KDM4C: variants seen among roughly 807,000 people sequenced by gnomAD.
KDM4C encodes the protein lysine demethylase 4C, also known as lysine-specific demethylase 4C.
Under a neutral mutation model 129.3 loss-of-function variants are expected in KDM4C, and 81 were observed. The ratio of observed to expected loss-of-function variants is 0.63; its 90% CI spans 0.52 to 0.75. KDM4C has a LOEUF of 0.75. KDM4C is among the 30% of genes least tolerant of loss of function. The pLI, the probability that KDM4C is intolerant of heterozygous loss-of-function variation, is 0.00. For synonymous variants in KDM4C, 573 were observed against 456.1 expected (o/e 1.26, Z -3.26); for missense variants, 1,457 against 1,304.0 (o/e 1.12, Z -1.81).
intron 18 of KDM4C, among the ~76,000 whole-genome samples, chr9:7,111,958 T>G (rs554865401): frequency 3.3e-5 from 5 of 151,974 alleles, no homozygotes; most frequent in African/African-American, 1.2e-4. Flanking sequence ...AGGAGAAGAT[T>G]GTTTTGGGGA....
intron 4 of KDM4C, among the ~76,000 whole-genome samples, chr9:6,843,545 C>T (rs1217460163): frequency 5.3e-5 from 8 of 152,146 alleles, no homozygotes; most frequent in Non-Finnish European, 1.2e-4. Context: ...GTGGTCCTTT[C>T]AAGGTAGCCA....
At chr9:7,040,825 G>T (rs1828466757) in intron 15 of KDM4C, among the ~76,000 whole-genome samples, 1 of 150,082 alleles carries the variant, frequency 6.7e-6, no homozygotes, top group African/African-American at 2.5e-5. Context: ...CTTTTTATTT[G>T]GTTTCCAGAA....
intron 8 of KDM4C, among the ~76,000 whole-genome samples, chr9:6,903,476 A>C (rs531643519): frequency 6.6e-6 from 1 of 152,194 alleles, no homozygotes; most frequent in South Asian, 2.1e-4. Context: ...AAGCATCCTG[A>C]AGAGAAGGTG....
chr9:7,046,800 G>T, intron 15 of KDM4C, 62 bp from the exon 16 acceptor site: 1 of 1,061,770 alleles, frequency 9.4e-7, no homozygotes. Flanking sequence ...ATATTTAGAT[G>T]AATGGTAATG....
At chr9:6,934,709 A>G (rs35490381) in intron 8 of KDM4C, among the ~76,000 whole-genome samples, 38,683 of 151,204 alleles carry the variant, frequency 0.26, 5,380 homozygotes, top group South Asian at 0.39. Context: ...TGATCCGCCC[A>G]CCTCGGCCTC....
At chr9:6,976,558 T>C (rs1167418725) in intron 8 of KDM4C, among the ~76,000 whole-genome samples, 2 of 152,198 alleles carry the variant, frequency 1.3e-5, no homozygotes, top group Admixed American at 1.3e-4. Context: ...TTATACCTTA[T>C]ATATTGGGGG....
intron 5 of KDM4C, among the ~76,000 whole-genome samples, chr9:6,859,459 G>C (rs1840519235): frequency 7.6e-6 from 1 of 131,842 alleles, no homozygotes. Context: ...TGGCGACAGA[G>C]CGGGACTCTG....
intron 3 of KDM4C, among the ~76,000 whole-genome samples, chr9:6,806,249 C>T (rs1183986582): frequency 6.6e-6 from 1 of 152,140 alleles, no homozygotes; most frequent in Non-Finnish European, 1.5e-5. Context: ...AATCCCAGTA[C>T]TTTGGGAGGC....
chr9:6,763,841 TC>T (rs1820078081), intron 1 of KDM4C, among the ~76,000 whole-genome samples: 1 of 152,174 alleles, frequency 6.6e-6, no homozygotes, highest in African/African-American at 2.4e-5. Flanking sequence ...CACCACAACC[TC>T]CGCCTCCCAG....
intron 5 of KDM4C, among the ~76,000 whole-genome samples, chr9:6,879,115 T>C (rs887889118): frequency 6.6e-6 from 1 of 152,214 alleles, no homozygotes; most frequent in Non-Finnish European, 1.5e-5. Flanking sequence ...TAAGTTACTT[T>C]AGTAAGAAGT....
intron 8 of KDM4C, among the ~76,000 whole-genome samples, chr9:6,949,026 G>A (rs1437359323): frequency 6.6e-6 from 1 of 152,200 alleles, no homozygotes; most frequent in African/African-American, 2.4e-5. Flanking sequence ...TGGCGGCCGG[G>A]CAGAGGGGCT....
intron 17 of KDM4C, among the ~76,000 whole-genome samples, chr9:7,100,317 T>A (rs1836924231): frequency 6.6e-6 from 1 of 152,196 alleles, no homozygotes; most frequent in South Asian, 2.1e-4. Context: ...GTAGTGTTTA[T>A]CAAATCTCAG....
At chr9:6,808,789 G>A (rs1254769815) in intron 3 of KDM4C, among the ~76,000 whole-genome samples, 5 of 151,994 alleles carry the variant, frequency 3.3e-5, no homozygotes, top group Admixed American at 3.3e-4. Context: ...ACACTCAAGG[G>A]GAGGAGAATG....
At chr9:7,126,551 A>G (rs1840042146) in intron 18 of KDM4C, among the ~76,000 whole-genome samples, 1 of 152,332 alleles carries the variant, frequency 6.6e-6, no homozygotes, top group African/African-American at 2.4e-5. Context: ...ATGAATAGGG[A>G]TATCACTCTG....
intron 21 of KDM4C, among the ~76,000 whole-genome samples, chr9:7,171,179 C>G (rs984600656): frequency 6.6e-6 from 1 of 152,074 alleles, no homozygotes; most frequent in Non-Finnish European, 1.5e-5. Context: ...AAAGTGAAAT[C>G]GTCAAGAGGA....
intron 4 of KDM4C, among the ~76,000 whole-genome samples, chr9:6,820,730 T>G (rs926222053): frequency 1.1e-4 from 17 of 150,016 alleles, no homozygotes; most frequent in Admixed American, 2.7e-4. Flanking sequence ...TTTTTTTTTT[T>G]TTTTGATAAT....
At position 6,792,645 on chromosome 9, in the gene KDM4C, C is replaced by T. The variant is rs369507640; in HGVS notation, c.-17-327C>T. ...CTTGTGATCTGCCCGTCTTGGCCCCCCAAAGTGCTGAGATTACAGGCGTGA... is the reference window on the plus strand; with the variant it reads ...CTTGTGATCTGCCCGTCTTGGCCCCTCAAAGTGCTGAGATTACAGGCGTGA... On this transcript the variant is annotated intron_variant, in intron 1 of 21. Coordinates refer to ENST00000381309, the MANE Select transcript of KDM4C (RefSeq NM_015061.6). Among the ~76,000 whole-genome samples the T allele has an allele frequency of 1.6e-4, 25 of 152,222 alleles. No individual in the cohort carries two copies. The South Asian group carries it at 5.2e-3, about 31-fold the overall frequency.
Position 7,013,898 on chromosome 9 carries a change from T to C in KDM4C, c.2079T>C (p.Tyr693=), listed in dbSNP as rs188129115. ...KPLIPEMCFI[Y]SEENIEYSPP... is the part of the protein sequence containing the mutation. ...TCATACCAGAGATGTGTTTTATTTA[T>C]AGTGAAGAAAATATAGAATATTCTC... Residue 693 remains tyrosine (Y), a synonymous_variant, in exon 14 of 22, where the codon TAT becomes TAC. Coordinates refer to ENST00000381309, the MANE Select transcript of KDM4C (RefSeq NM_015061.6). 1.2e-6 allele frequency: 2 copies of C among 1,614,000 alleles called. No homozygotes were observed. The highest frequency in any genetic ancestry group is 1.7e-5 in the Admixed American group (1 of 60,026).
At chr9:7,044,296 C>T (rs995055622) in intron 15 of KDM4C, among the ~76,000 whole-genome samples, 2 of 151,904 alleles carry the variant, frequency 1.3e-5, no homozygotes, top group African/African-American at 2.4e-5. Flanking sequence ...CAGAAGGAAC[C>T]TCAGGGAGGT....
Sources: allele counts gnomAD v4.1 joint callset (sites outside exome capture counted in the v4.1 genomes callset), GRCh38; gene constraint gnomAD v4.1.1; transcripts MANE v1.5; gene names NCBI Gene and HGNC (gene_info 2026-07-23, HGNC 2026-07-21).